PLCH2: variants seen among roughly 807,000 people sequenced by gnomAD.
The protein encoded by PLCH2 is 1-phosphatidylinositol 4,5-bisphosphate phosphodiesterase eta-2.
PLCH2 carries 98 observed loss-of-function variants against 134.7 expected under a neutral mutation model. That is an observed-to-expected ratio of 0.73 (90% CI 0.62 to 0.86). The LOEUF (loss-of-function observed/expected upper bound fraction) is 0.86. Among genes scored for constraint, PLCH2 ranks in the 40% least tolerant of loss-of-function variants. The pLI, the probability that PLCH2 is intolerant of heterozygous loss-of-function variation, is 0.00. For synonymous variants in PLCH2, 974 were observed against 827.5 expected, an observed-to-expected ratio of 1.18 and a Z score of -3.04; for missense variants, 1,994 against 1,986.6, an observed-to-expected ratio of 1.00 and a Z score of -0.07.
At chr1:2,468,337 C>T (rs749807485) in intron 1 of PLCH2, among the ~76,000 whole-genome samples, 76 of 152,400 alleles carry the variant, frequency 5.0e-4, no homozygotes, top group Middle Eastern at 3.4e-3. Context: ...TGATCTGTCA[C>T]GCTTTCCTGA....
chr1:2,479,279 G>T, intron 2 of PLCH2: 1 of 168,546 alleles, frequency 5.9e-6, no homozygotes, highest in Admixed American at 5.5e-5. Flanking sequence ...TCGCGCTGCG[G>T]AGCCCCCAGG....
chr1:2,478,720 G>C, intron 2 of PLCH2, 98 bp downstream of exon 2: 1 of 1,234,086 alleles, frequency 8.1e-7, no homozygotes, highest in Non-Finnish European at 1.1e-6. Context: ...GAGGAGCAGC[G>C]AGACCCTAGG....
intron 21 of PLCH2, chr1:2,503,386 C>CT: frequency 1.7e-6 from 1 of 585,038 alleles, no homozygotes; most frequent in Non-Finnish European, 3.0e-6. Context: ...GGTAGTGCAG[C>CT]TGCTGGGCGT....
chr1:2,461,175 G>A (rs1640785688), intron 2 of PLCH2, among the ~76,000 whole-genome samples: 1 of 152,348 alleles, frequency 6.6e-6, no homozygotes, highest in South Asian at 2.1e-4. Flanking sequence ...GGCTGGCCAA[G>A]GCTCTGCATG....
intron 11 of PLCH2, among the ~76,000 whole-genome samples, chr1:2,494,183 G>C (rs1031367990): frequency 6.6e-6 from 1 of 152,186 alleles, no homozygotes; most frequent in African/African-American, 2.4e-5. Flanking sequence ...GGGCTGCAGG[G>C]GTCAGGTGGT....
intron 2 of PLCH2, among the ~76,000 whole-genome samples, chr1:2,446,507 G>T (rs920290769): frequency 5.3e-5 from 8 of 152,206 alleles, no homozygotes; most frequent in Admixed American, 1.3e-4. Context: ...CAGGAGGCGG[G>T]GCAGCTCCGA....
chr1:2,464,663 G>T (rs1557976223), upstream of PLCH2, among the ~76,000 whole-genome samples: 1 of 152,234 alleles, frequency 6.6e-6, no homozygotes, highest in Non-Finnish European at 1.5e-5. Context: ...CTGCAGGGAA[G>T]CCGGGGCCTG....
At chr1:2,434,918 C>A (rs371302762) in intron 2 of PLCH2, among the ~76,000 whole-genome samples, 1 of 152,240 alleles carries the variant, frequency 6.6e-6, no homozygotes, top group African/African-American at 2.4e-5. Context: ...GAGAGCTGAG[C>A]CCGCACGGGA....
the PLCH2 span, among the ~76,000 whole-genome samples, chr1:2,416,927 G>A: frequency 6.6e-6 from 1 of 152,142 alleles, no homozygotes; most frequent in South Asian, 2.1e-4. Context: ...AGCCAGCCTG[G>A]GGGGGCCCTG....
At chr1:2,463,818 C>A (rs144244490), upstream of PLCH2, among the ~76,000 whole-genome samples, 9 of 152,384 alleles carry the variant, frequency 5.9e-5, no homozygotes, top group Admixed American at 2.0e-4. Context: ...AAGGCACCAG[C>A]TGGCCAGGCC....
Position 2,497,616 on chromosome 1 carries a change from C to T in PLCH2, c.2224+7C>T, listed in dbSNP as rs368319098. The T allele has an allele frequency of 2.5e-5, 39 of 1,533,988 alleles. No individual in the cohort carries two copies. The highest frequency in any genetic ancestry group is 3.1e-5 in the Non-Finnish European group (35 of 1,131,206). On this transcript the variant is annotated splice_region_variant and intron_variant, in intron 16 of 21. Transcript: ENST00000378486. ...CCTGGGTGCATGTGCCAGGGTGAGG[C>T]ACTCGGACACTCAGGGCTCGGACGC...
chr1:2,484,797 A>T (rs1010883749), intron 5 of PLCH2, among the ~76,000 whole-genome samples, 179 bp downstream of exon 5: 1 of 152,170 alleles, frequency 6.6e-6, no homozygotes. Context: ...AGGGTGGGGC[A>T]GGTCACAGCC....
chr1:2,428,060 C>G (rs1638885781), intron 1 of PLCH2, among the ~76,000 whole-genome samples: 2 of 152,216 alleles, frequency 1.3e-5, no homozygotes, highest in South Asian at 4.1e-4. Context: ...GGGCCTGGGC[C>G]TGGGCTGTGC....
At position 2,482,605 on chromosome 1, in the gene PLCH2, C is replaced by T. The variant is rs150675558; in HGVS notation, c.646-1843C>T. 3.2e-3 allele frequency among the ~76,000 whole-genome samples: 486 copies of T among 152,332 alleles called. 5 individuals carry two copies. The highest frequency in any genetic ancestry group is 1.9e-3 in the Non-Finnish European group (131 of 68,016). ...GTCCTGACCCACCTTCATGCCAAGC[C>T]GTGGGTGTAGGGCGTGTGGCAGCCA... is the stretch of plus-strand genomic sequence containing the variant. On this transcript the variant is annotated intron_variant, in intron 4 of 21. Coordinates refer to ENST00000378486, the MANE Select transcript of PLCH2 (RefSeq NM_014638.4).
At position 2,496,716 on chromosome 1, in the gene PLCH2, G is replaced by A. The variant is rs372556776; in HGVS notation, c.1933+12G>A. On this transcript the variant is annotated intron_variant, in intron 14 of 21. Coordinates refer to ENST00000378486, the MANE Select transcript of PLCH2 (RefSeq NM_014638.4). ...CATAGAGATGGAGGGTGAGTGGCTCGGGGACCTGGGGCCACGGGCGGAGGC... is the reference window on the plus strand; with the variant it reads ...CATAGAGATGGAGGGTGAGTGGCTCAGGGACCTGGGGCCACGGGCGGAGGC... 257 of 1,604,280 alleles carry A rather than the reference G, an allele frequency of 1.6e-4. No homozygotes were observed. Among genetic ancestry groups the A allele is most frequent in the Non-Finnish European group, 1.9e-4 (224 of 1,176,824 alleles).
chr1:2,492,914 A>C (rs1226333122), intron 11 of PLCH2, among the ~76,000 whole-genome samples: 1 of 152,094 alleles, frequency 6.6e-6, no homozygotes, highest in African/African-American at 2.4e-5. Flanking sequence ...CCGGTGGGTA[A>C]GGAGGGGCCC....
chr1:2,429,699 G>A lies in PLCH2; in HGVS notation c.-177-639G>A, dbSNP rs549452523. 7.9e-5 allele frequency among the ~76,000 whole-genome samples: 12 copies of A among 152,316 alleles called. No homozygotes were observed. In the East Asian group the frequency reaches 2.3e-3, roughly 29 times the overall value. Reference sequence around the variant, plus strand: ...TCACTGCATGGGCTGCGTGCGTGGTGACCAAAAGGGCTTGAGACCCTGGCC... The same window carrying A: ...TCACTGCATGGGCTGCGTGCGTGGTAACCAAAAGGGCTTGAGACCCTGGCC... On this transcript the variant is annotated intron_variant, in intron 1 of 3. Transcript: ENST00000609981.
rs887855320 is a variant in PLCH2 at position 2,439,009 on chromosome 1, T to C, written c.115+8380T>C. Among the ~76,000 whole-genome samples the C allele has an allele frequency of 6.6e-6, 1 of 152,202 alleles. No individual in the cohort carries two copies. The highest frequency in any genetic ancestry group is 2.4e-5 in the African/African-American group (1 of 41,454). ...CCACATGGGTGGCTCCAGGTAGAAG[T>C]GGCTTTGACTACGCCCTCCCAGCCC... On this transcript the variant is annotated intron_variant, in intron 2 of 3. Coordinates refer to the PLCH2 transcript ENST00000609981. This position sits in a 1 kb window ranked among gnomAD's most constrained non-coding sequence, Gnocchi z 4.7.
At chr1:2,458,350 C>T (rs1171549628) in intron 2 of PLCH2, among the ~76,000 whole-genome samples, 1 of 152,212 alleles carries the variant, frequency 6.6e-6, no homozygotes. Context: ...GACCCTGGAG[C>T]AGGGCACTAG....
Sources: gnomAD v4.1 joint callset for allele counts (sites outside exome capture counted in the v4.1 genomes callset) on GRCh38, gnomAD v4.1.1 for gene constraint, Gnocchi (gnomAD v3.1) non-coding constraint, MANE v1.5 for transcripts, NCBI Gene and HGNC (gene_info 2026-07-23, HGNC 2026-07-21) for gene names.